CD80: variants seen among roughly 807,000 people sequenced by gnomAD.
CD80 encodes T-lymphocyte activation antigen CD80.
Under a neutral mutation model 27.1 loss-of-function variants are expected in CD80, and 13 were observed. The ratio of observed to expected loss-of-function variants is 0.48; its 90% CI spans 0.31 to 0.76. The LOEUF is 0.76. Among genes scored for constraint, CD80 ranks in the 30% least tolerant of loss-of-function variants. The pLI, the probability that CD80 is intolerant of heterozygous loss-of-function variation, is 0.04. For synonymous variants in CD80, 125 were observed against 125.5 expected, an observed-to-expected ratio of 1.00 and a Z score of 0.03; for missense variants, 277 against 347.9, an observed-to-expected ratio of 0.80 and a Z score of 1.62.
At chr3:119,548,801 C>T (rs1027091797) in intron 2 of CD80, among the ~76,000 whole-genome samples, 5 of 152,240 alleles carry the variant, frequency 3.3e-5, no homozygotes, top group Admixed American at 3.3e-4. Context: ...CTTTGGGAGG[C>T]TGAGGTGGGC....
intron 3 of CD80, among the ~76,000 whole-genome samples, chr3:119,541,896 C>T (rs1479670774): frequency 6.6e-6 from 1 of 152,146 alleles, no homozygotes; most frequent in African/African-American, 2.4e-5. Context: ...GCTAATAGGG[C>T]CTGCCCCCCT....
chr3:119,527,893 G>T, intron 5 of CD80, 52 bp from the exon 6 acceptor site: 1 of 1,465,522 alleles, frequency 6.8e-7, no homozygotes, highest in Non-Finnish European at 9.6e-7. Context: ...CCCTTGAATT[G>T]TGCCCATATG....
rs1318202506 is a variant in CD80, at chr3:119,525,598, A to G, written c.*190T>C. Reference sequence around the variant, plus strand: ...CACCTTGATCAAGGTCACCAGAGCTACTTCTGTGCCCACCATATTCCTCTA... The same window carrying G: ...CACCTTGATCAAGGTCACCAGAGCTGCTTCTGTGCCCACCATATTCCTCTA... On this transcript the variant is annotated 3_prime_UTR_variant, in exon 7 of 7. Coordinates refer to ENST00000264246, the MANE Select transcript of CD80 (RefSeq NM_005191.4). 1 of 152,518 alleles carries G rather than the reference A, an allele frequency of 6.6e-6. No individual in the cohort carries two copies. The highest frequency in any genetic ancestry group is 2.4e-5 in the African/African-American group (1 of 41,418). The allele number at this position is 152,518 out of a possible 1,614,324, so 9.4% of individuals were successfully genotyped here.
At chr3:119,554,967 A>G (rs761087204) in intron 2 of CD80, among the ~76,000 whole-genome samples, 5 of 152,136 alleles carry the variant, frequency 3.3e-5, no homozygotes, top group Non-Finnish European at 5.9e-5. Context: ...TTTTCCTTTT[A>G]AAGTTATTTA....
chr3:119,554,988 A>G (rs756747871), intron 2 of CD80, among the ~76,000 whole-genome samples: 3 of 152,208 alleles, frequency 2.0e-5, no homozygotes, highest in Non-Finnish European at 4.4e-5. Context: ...CACCTTTACT[A>G]CTGAAACTCA....
At chr3:119,533,386 A>G (rs951991080) in intron 4 of CD80, among the ~76,000 whole-genome samples, 3 of 148,016 alleles carry the variant, frequency 2.0e-5, no homozygotes, top group African/African-American at 7.5e-5. Context: ...CATATGCGCA[A>G]TCCGCTTAAT....
intron 6 of CD80, among the ~76,000 whole-genome samples, chr3:119,526,095 T>C (rs967055434): frequency 1.3e-5 from 2 of 151,532 alleles, no homozygotes; most frequent in African/African-American, 4.9e-5. Flanking sequence ...GTTTAGTTAT[T>C]ACCAGCTATT....
In CD80 at chr3:119,557,536, T is replaced by C. The variant is rs113547121; in HGVS notation, c.100+93A>G. Reference sequence around the variant, plus strand: ...CACCCTGAAGGTTCCTTCCAGCTTATAGGATAATAGAAGGGAGCAGCTCAG... The same window carrying C: ...CACCCTGAAGGTTCCTTCCAGCTTACAGGATAATAGAAGGGAGCAGCTCAG... On this transcript the variant is annotated intron_variant, in intron 2 of 6. Transcript: ENST00000264246. The C allele has an allele frequency of 9.6e-4, 713 of 740,434 alleles. 2 individuals are homozygous for C. In the African/African-American group the frequency reaches 0.012, roughly 12 times the overall value. 45.9% of individuals were successfully genotyped at this position (740,434 alleles called of 1,614,324 possible).
intron 3 of CD80, among the ~76,000 whole-genome samples, chr3:119,540,684 G>T (rs1196610393): frequency 6.6e-6 from 1 of 152,122 alleles, no homozygotes; most frequent in Non-Finnish European, 1.5e-5. Context: ...TATGATTCAT[G>T]TTCATTTCTG....
intron 6 of CD80, 93 bp from the exon 7 acceptor site, chr3:119,525,842 A>G (rs2082062239): frequency 6.8e-6 from 1 of 147,514 alleles, no homozygotes; most frequent in Non-Finnish European, 1.5e-5. Context: ...ATACATATAT[A>G]ATTTTTAAAT....
Position 119,537,168 on chromosome 3 carries a change from TA to T in CD80, c.668del (p.Leu223Ter). ...TCCAGTTGAAGGTCTGATTCACTCTTAAATGTCCATACTTGATGAGACACAT... is the reference window on the plus strand; with the variant it reads ...TCCAGTTGAAGGTCTGATTCACTCTTAATGTCCATACTTGATGAGACACAT... ...SFMCLIKYGH[L>X]RVNQTFNWNT... On this transcript the variant is annotated frameshift_variant, in exon 4 of 7. Coordinates refer to ENST00000264246, the MANE Select transcript of CD80 (RefSeq NM_005191.4). LOFTEE classifies it high-confidence loss of function. 1 of 1,614,108 alleles carries T rather than the reference TA, an allele frequency of 6.2e-7. No individual in the cohort carries two copies. Among genetic ancestry groups the T allele is most frequent in the East Asian group, 2.2e-5 (1 of 44,878 alleles).
intron 3 of CD80, among the ~76,000 whole-genome samples, chr3:119,543,397 C>CA (rs1225616385): frequency 1.4e-5 from 2 of 143,778 alleles, no homozygotes; most frequent in African/African-American, 5.1e-5. Context: ...AATTCTCTAA[C>CA]TTTTTTTTTT....
intron 4 of CD80, among the ~76,000 whole-genome samples, chr3:119,536,915 C>A (rs1031266380): frequency 6.6e-6 from 1 of 152,168 alleles, no homozygotes; most frequent in African/African-American, 2.4e-5. Context: ...TGGTAACATG[C>A]TGTACAGGTG....
Position 119,552,429 on chromosome 3 carries a change from C to T in CD80, c.100+5200G>A, listed in dbSNP as rs556651313. Among the ~76,000 whole-genome samples, 73 of 142,410 alleles carry T rather than the reference C, an allele frequency of 5.1e-4. No individual in the cohort carries two copies. In the East Asian group the frequency reaches 6.0e-3, roughly 12 times the overall value. The allele number at this position is 142,410 out of a possible 152,430, so 93.4% of individuals were successfully genotyped here. A position where few individuals can be genotyped will look rare whatever the true frequency, so the allele number is the denominator to read the frequency against. ...TCGGGAGGCTGAGGCAGGAGAATGGCGTGAAGCCGGGAGGCGGAGCTTGCT... is the reference window on the plus strand; with the variant it reads ...TCGGGAGGCTGAGGCAGGAGAATGGTGTGAAGCCGGGAGGCGGAGCTTGCT... On this transcript the variant is annotated intron_variant, in intron 2 of 6. Coordinates refer to ENST00000264246, the MANE Select transcript of CD80 (RefSeq NM_005191.4).
chr3:119,529,805 A>G (rs1184542262), intron 5 of CD80, 37 bp downstream of exon 5: 1 of 1,378,164 alleles, frequency 7.3e-7, no homozygotes, highest in Non-Finnish European at 1.0e-6. Context: ...TTGATCTTCC[A>G]GAATTGAGAT....
chr3:119,552,325 C>CAA (rs199555677), intron 2 of CD80, among the ~76,000 whole-genome samples: 5 of 150,962 alleles, frequency 3.3e-5, no homozygotes, highest in African/African-American at 1.2e-4. Context: ...ACTAAAAATA[C>CAA]AAAAAAAATA....
intron 6 of CD80, 155 bp downstream of exon 6, chr3:119,527,578 G>C: frequency 5.7e-6 from 3 of 523,210 alleles, no homozygotes; most frequent in Middle Eastern, 4.3e-4. Context: ...GGGGAGAAAG[G>C]AGAGGGATGC....
chr3:119,541,802 T>C (rs2082169906), intron 3 of CD80, among the ~76,000 whole-genome samples: 1 of 152,236 alleles, frequency 6.6e-6, no homozygotes, highest in Non-Finnish European at 1.5e-5. Flanking sequence ...TACTGGATTT[T>C]GTCCACCCAC....
At chr3:119,543,420 G>T in intron 3 of CD80, among the ~76,000 whole-genome samples, 1 of 147,400 alleles carries the variant, frequency 6.8e-6, no homozygotes. Context: ...TTAAGACAGA[G>T]TCTCTACCAG....
Sources: gnomAD v4.1 joint callset for allele counts (sites outside exome capture counted in the v4.1 genomes callset) on GRCh38, gnomAD v4.1.1 for gene constraint, MANE v1.5 for transcripts, NCBI Gene and HGNC (gene_info 2026-07-23, HGNC 2026-07-21) for gene names.